The following ROBO1 variants were observed in gnomAD, a reference collection of about 807,000 sequenced individuals.
The protein encoded by ROBO1 is roundabout guidance receptor 1, also known as roundabout homolog 1.
ROBO1 carries 149 observed loss-of-function variants against 195.9 expected under a neutral mutation model. The observed-to-expected ratio is 0.76, with a 90% CI of 0.67 to 0.87. The LOEUF is 0.87. Ranked by LOEUF, ROBO1 falls within the 40% of genes least tolerant of loss-of-function variation. ROBO1 has a pLI of 0.00. For missense variants in ROBO1, 1,933 were observed against 2,068.3 expected, an observed-to-expected ratio of 0.93 and a Z score of 1.27; for synonymous variants, 816 against 733.2, an observed-to-expected ratio of 1.11 and a Z score of -1.82.
chr3:79,261,904 T>C (rs540385040), intron 2 of ROBO1, among the ~76,000 whole-genome samples: 1 of 152,182 alleles, frequency 6.6e-6, no homozygotes, highest in African/African-American at 2.4e-5. Flanking sequence ...TTGTAATTGA[T>C]CTATAGAAAT....
chr3:79,128,832 T>G (rs965480873), intron 2 of ROBO1, among the ~76,000 whole-genome samples: 13 of 152,142 alleles, frequency 8.5e-5, no homozygotes, highest in Non-Finnish European at 1.5e-4. Flanking sequence ...AAAAATCTTT[T>G]TTCTAGATTT....
chr3:79,539,666 T>G (rs1941994156), intron 2 of ROBO1, among the ~76,000 whole-genome samples: 1 of 152,076 alleles, frequency 6.6e-6, no homozygotes, highest in Non-Finnish European at 1.5e-5. Flanking sequence ...GAAAAACAAT[T>G]AAAAACTTTC....
At chr3:78,920,314 C>CT (rs2038862682) in intron 4 of ROBO1, among the ~76,000 whole-genome samples, 4 of 148,894 alleles carry the variant, frequency 2.7e-5, no homozygotes, top group South Asian at 2.1e-4. Flanking sequence ...TTTTTTTTTT[C>CT]TTTTTTTTGA....
chr3:79,326,555 G>C (rs999524634), intron 2 of ROBO1, among the ~76,000 whole-genome samples: 33 of 152,104 alleles, frequency 2.2e-4, no homozygotes, highest in Admixed American at 1.3e-4. Context: ...ACGTTTGAAA[G>C]GTAAGCATAA....
chr3:79,116,526 CT>C (rs550347378), intron 3 of ROBO1, among the ~76,000 whole-genome samples: 308 of 117,888 alleles, frequency 2.6e-3, no homozygotes, highest in Middle Eastern at 4.3e-3. Context: ...TCTCTTTCTT[CT>C]TTTTTTTTTT....
intron 8 of ROBO1, among the ~76,000 whole-genome samples, chr3:78,700,231 G>C (rs1389884778): frequency 6.6e-6 from 1 of 152,158 alleles, no homozygotes; most frequent in African/African-American, 2.4e-5. Flanking sequence ...ATATTCTGCT[G>C]ATACTATAGA....
intron 3 of ROBO1, among the ~76,000 whole-genome samples, chr3:79,039,062 C>T (rs1269656938): frequency 7.2e-5 from 11 of 152,226 alleles, no homozygotes; most frequent in Admixed American, 5.2e-4. Context: ...CAAGGAAGAA[C>T]GATGATTGAA....
intron 8 of ROBO1, among the ~76,000 whole-genome samples, chr3:78,693,628 T>C (rs1403416472): frequency 6.6e-6 from 1 of 152,150 alleles, no homozygotes; most frequent in African/African-American, 2.4e-5. Flanking sequence ...GCTATAAAAT[T>C]ATAAAACATT....
At chr3:78,685,182 T>TTTTTTC (rs1228408575) in intron 10 of ROBO1, among the ~76,000 whole-genome samples, 21 of 152,104 alleles carry the variant, frequency 1.4e-4, no homozygotes, top group Non-Finnish European at 2.9e-5. Flanking sequence ...TTATATGTGT[T>TTTTTTC]TTTTTCTTTT....
At chr3:78,674,702 G>C (rs1708288457) in intron 10 of ROBO1, among the ~76,000 whole-genome samples, 1 of 152,110 alleles carries the variant, frequency 6.6e-6, no homozygotes, top group Admixed American at 6.5e-5. Context: ...GCGTGATCTA[G>C]TCTCACAAAT....
intron 2 of ROBO1, among the ~76,000 whole-genome samples, chr3:79,347,491 G>A (rs2035166574): frequency 1.3e-5 from 2 of 152,154 alleles, no homozygotes; most frequent in Admixed American, 6.5e-5. Context: ...GACATGATAA[G>A]TGAATAAATG....
At chr3:79,019,146 G>T in intron 3 of ROBO1, 1 of 986,420 alleles carries the variant, frequency 1.0e-6, no homozygotes, top group Non-Finnish European at 1.2e-6. Flanking sequence ...CAGGACCGCG[G>T]ACACTCGCAC....
At chr3:78,636,935 TTATATA>T (rs55894934) in intron 22 of ROBO1, among the ~76,000 whole-genome samples, 1,089 of 96,658 alleles carry the variant, frequency 0.011, 23 homozygotes, top group African/African-American at 0.03. Context: ...TACATTCATT[TTATATA>T]TATATATATA....
chr3:79,689,112 G>A (rs980686986), intron 1 of ROBO1, among the ~76,000 whole-genome samples: 2 of 151,738 alleles, frequency 1.3e-5, no homozygotes, highest in African/African-American at 4.8e-5. Flanking sequence ...GGATTAACTT[G>A]TAATAAATTA....
intron 2 of ROBO1, among the ~76,000 whole-genome samples, chr3:79,314,042 T>G (rs2033615978): frequency 6.6e-6 from 1 of 152,158 alleles, no homozygotes; most frequent in Non-Finnish European, 1.5e-5. Context: ...AGATATATCC[T>G]AAAGTTCAGG....
intron 8 of ROBO1, chr3:78,693,474 G>T: frequency 1.4e-6 from 1 of 737,268 alleles, no homozygotes; most frequent in Non-Finnish European, 2.3e-6. Flanking sequence ...TAAAGAACAT[G>T]TTAATACTTG....
chr3:79,005,546 C>T (rs1210384427), intron 3 of ROBO1, among the ~76,000 whole-genome samples: 2 of 152,086 alleles, frequency 1.3e-5, no homozygotes, highest in Admixed American at 1.3e-4. Flanking sequence ...AAAGAGTTAA[C>T]AAAAGTTTCT....
At chr3:79,720,146 T>G (rs190509692) in intron 1 of ROBO1, among the ~76,000 whole-genome samples, 10 of 152,334 alleles carry the variant, frequency 6.6e-5, no homozygotes, top group Admixed American at 6.5e-4. Flanking sequence ...CCAGTATTCG[T>G]GCCCTTTATT....
chr3:79,117,355 G>A (rs1199587027), intron 3 of ROBO1, among the ~76,000 whole-genome samples: 1 of 151,710 alleles, frequency 6.6e-6, no homozygotes, highest in African/African-American at 2.4e-5. Flanking sequence ...GGGCGACAGA[G>A]AGAGACTCCA....
Sources: allele counts gnomAD v4.1 joint callset (sites outside exome capture counted in the v4.1 genomes callset), GRCh38; gene constraint gnomAD v4.1.1; transcripts MANE v1.5; gene names NCBI Gene and HGNC (gene_info 2026-07-23, HGNC 2026-07-21).